The following MDGA2 variants were observed in gnomAD, a reference collection of about 807,000 sequenced individuals.
MDGA2 encodes MAM domain-containing glycosylphosphatidylinositol anchor protein 2.
A neutral mutation model predicts 117.8 loss-of-function variants in MDGA2; 40 were observed. The observed-to-expected ratio is 0.34, with a 90% CI of 0.26 to 0.44. The LOEUF (loss-of-function observed/expected upper bound fraction) is 0.44. MDGA2 is among the 20% of genes least tolerant of loss of function. The probability of loss-of-function intolerance (pLI) is 1.00; values close to 1 mark genes in which losing one functional copy is unlikely to be tolerated. For synonymous variants in MDGA2, 452 were observed against 439.0 expected, an observed-to-expected ratio of 1.03 and a Z score of -0.37; for missense variants, 1,123 against 1,250.6, an observed-to-expected ratio of 0.90 and a Z score of 1.54.
chr14:47,046,550 T>G (rs913931048), intron 7 of MDGA2, among the ~76,000 whole-genome samples: 5 of 151,554 alleles, frequency 3.3e-5, no homozygotes, highest in African/African-American at 1.2e-4. Flanking sequence ...TGTGTACATA[T>G]GTAACAAACC....
chr14:47,442,012 C>T (rs1045711816), intron 1 of MDGA2, among the ~76,000 whole-genome samples: 6 of 145,074 alleles, frequency 4.1e-5, no homozygotes, highest in African/African-American at 1.5e-4. Flanking sequence ...AGAAAAAAAC[C>T]CTTCACTGCA....
chr14:47,350,900 A>T (rs551525882), intron 1 of MDGA2, among the ~76,000 whole-genome samples: 11 of 152,246 alleles, frequency 7.2e-5, no homozygotes, highest in Non-Finnish European at 1.3e-4. Flanking sequence ...GATTTCTATT[A>T]TGTGATCAAA....
intron 7 of MDGA2, among the ~76,000 whole-genome samples, chr14:47,036,357 G>A (rs1158319654): frequency 6.6e-6 from 1 of 151,182 alleles, no homozygotes; most frequent in Non-Finnish European, 1.5e-5. Flanking sequence ...TGAGAAGTTA[G>A]ATTGATTTTA....
chr14:47,550,133 C>T (rs1895552779), intron 1 of MDGA2, among the ~76,000 whole-genome samples: 1 of 152,158 alleles, frequency 6.6e-6, no homozygotes, highest in Admixed American at 6.5e-5. Context: ...GAACTCATAA[C>T]TAAATCAGTA....
intron 5 of MDGA2, among the ~76,000 whole-genome samples, chr14:47,124,242 A>G (rs1382313608): frequency 2.6e-5 from 4 of 152,126 alleles, no homozygotes; most frequent in Non-Finnish European, 5.9e-5. Context: ...ATAATGCACA[A>G]GTTCACTGAC....
At chr14:46,973,040 G>A in intron 8 of MDGA2, among the ~76,000 whole-genome samples, 1 of 152,072 alleles carries the variant, frequency 6.6e-6, no homozygotes, top group East Asian at 1.9e-4. Flanking sequence ...ATGTCATCAA[G>A]GAAATGCAAA....
At chr14:46,871,986 A>C (rs2138358888) in intron 14 of MDGA2, 1 of 237,588 alleles carries the variant, frequency 4.2e-6, no homozygotes, top group Non-Finnish European at 8.9e-6. Context: ...TAAAAATAAA[A>C]ATAAATTATA....
intron 2 of MDGA2, among the ~76,000 whole-genome samples, chr14:47,269,588 A>G (rs7148978): frequency 0.85 from 129,511 of 152,092 alleles, 55,337 homozygotes; most frequent in East Asian, 0.93. Context: ...GTAATTGCAA[A>G]CTATAGAACA....
intron 16 of MDGA2, among the ~76,000 whole-genome samples, chr14:46,844,582 A>C (rs996669926): frequency 4.2e-5 from 6 of 141,508 alleles, no homozygotes; most frequent in Non-Finnish European, 6.0e-5. Context: ...ACTCCGTCTC[A>C]AAAAAAAAAA....
chr14:46,955,220 G>T (rs12435100), intron 9 of MDGA2, among the ~76,000 whole-genome samples: 17,288 of 151,820 alleles, frequency 0.11, 1,851 homozygotes, highest in African/African-American at 0.25. Context: ...AAGTAATATA[G>T]ATAATACTTG....
At chr14:47,005,659 T>C (rs970895889) in intron 8 of MDGA2, among the ~76,000 whole-genome samples, 4 of 151,508 alleles carry the variant, frequency 2.6e-5, no homozygotes, top group Non-Finnish European at 5.9e-5. Context: ...CTCTACACTT[T>C]GGTTTTCTGA....
intron 1 of MDGA2, among the ~76,000 whole-genome samples, chr14:47,643,629 T>C (rs570355876): frequency 2.5e-4 from 38 of 152,154 alleles, no homozygotes; most frequent in Non-Finnish European, 5.4e-4. Flanking sequence ...TACCTAACAG[T>C]TCTTAATCTC....
chr14:47,315,300 C>G (rs1243399800), intron 1 of MDGA2, among the ~76,000 whole-genome samples: 1 of 152,118 alleles, frequency 6.6e-6, no homozygotes, highest in Non-Finnish European at 1.5e-5. Flanking sequence ...GACTTAGAAT[C>G]TTCTGACTTG....
At chr14:47,385,753 T>A (rs1891741961) in intron 1 of MDGA2, among the ~76,000 whole-genome samples, 2 of 152,080 alleles carry the variant, frequency 1.3e-5, no homozygotes, top group African/African-American at 4.8e-5. Context: ...GGAAATGGGG[T>A]AGCTTTTGTG....
chr14:47,091,005 T>C (rs1879619724), intron 6 of MDGA2, among the ~76,000 whole-genome samples: 1 of 152,166 alleles, frequency 6.6e-6, no homozygotes, highest in African/African-American at 2.4e-5. Flanking sequence ...ACAAAACAAA[T>C]GATTATTATT....
chr14:47,473,472 A>AT (rs1893771743), intron 1 of MDGA2, among the ~76,000 whole-genome samples: 3 of 152,178 alleles, frequency 2.0e-5, no homozygotes, highest in African/African-American at 7.2e-5. Flanking sequence ...TTAAAATGAA[A>AT]TTTTTTAAAA....
chr14:47,290,909 C>T (rs1888864152), intron 2 of MDGA2, among the ~76,000 whole-genome samples: 1 of 152,244 alleles, frequency 6.6e-6, no homozygotes, highest in East Asian at 1.9e-4. Flanking sequence ...CCAGAACTCC[C>T]TGACCAAGGG....
intron 3 of MDGA2, among the ~76,000 whole-genome samples, chr14:47,172,205 G>A (rs948076761): frequency 7.8e-4 from 118 of 152,248 alleles, no homozygotes; most frequent in African/African-American, 2.5e-3. Flanking sequence ...TGTAGGCCCC[G>A]CCTCTGGGGG....
At chr14:47,618,696 C>A (rs1896991391) in intron 1 of MDGA2, among the ~76,000 whole-genome samples, 1 of 152,010 alleles carries the variant, frequency 6.6e-6, no homozygotes, top group African/African-American at 2.4e-5. Flanking sequence ...TAACTGGCCA[C>A]AAAATTACAA....
Sources: gnomAD v4.1 joint callset for allele counts (sites outside exome capture counted in the v4.1 genomes callset) on GRCh38, gnomAD v4.1.1 for gene constraint, MANE v1.5 for transcripts, NCBI Gene and HGNC (gene_info 2026-07-23, HGNC 2026-07-21) for gene names.